PIWIL4: variants seen among roughly 807,000 people sequenced by gnomAD.
PIWIL4 encodes the protein piwi-like protein 4.
Under a neutral mutation model 100.9 loss-of-function variants are expected in PIWIL4, and 50 were observed. The ratio of observed to expected loss-of-function variants is 0.50; its 90% CI spans 0.39 to 0.63. The LOEUF is 0.63. Among genes scored for constraint, PIWIL4 ranks in the 20% least tolerant of loss-of-function variants. PIWIL4 has a pLI of 0.00. For synonymous variants in PIWIL4, 342 were observed against 367.5 expected (o/e 0.93, Z 0.79); for missense variants, 887 against 1,043.3 (o/e 0.85, Z 2.06).
intron 11 of PIWIL4, among the ~76,000 whole-genome samples, chr11:94,600,379 G>A (rs548593370): frequency 1.2e-3 from 182 of 152,240 alleles, no homozygotes; most frequent in Middle Eastern, 3.4e-3. Context: ...AAAGCTGGGC[G>A]TCCAGGGGAG....
intron 9 of PIWIL4, among the ~76,000 whole-genome samples, chr11:94,594,309 A>T (rs1948524917): frequency 6.6e-6 from 1 of 151,878 alleles, no homozygotes. Context: ...TCTATTAAAA[A>T]TAAAAAACTA....
At chr11:94,586,652 C>T (rs12574292) in intron 6 of PIWIL4, among the ~76,000 whole-genome samples, 1 of 151,984 alleles carries the variant, frequency 6.6e-6, no homozygotes, top group Non-Finnish European at 1.5e-5. Context: ...ATTTCCCCCC[C>T]CTCTTCAGGG....
intron 15 of PIWIL4, among the ~76,000 whole-genome samples, chr11:94,614,171 G>T (rs1197153907): frequency 6.6e-6 from 1 of 151,302 alleles, no homozygotes; most frequent in Non-Finnish European, 1.5e-5. Flanking sequence ...CTTGTAGCTT[G>T]CTGAGCTTCC....
chr11:94,568,150 C>T (rs1948101465), intron 1 of PIWIL4, among the ~76,000 whole-genome samples: 1 of 151,734 alleles, frequency 6.6e-6, no homozygotes. Context: ...AGCAAGTATC[C>T]AAATGAATAG....
At chr11:94,579,842 C>A (rs1383753720) in intron 4 of PIWIL4, among the ~76,000 whole-genome samples, 2 of 152,192 alleles carry the variant, frequency 1.3e-5, no homozygotes, top group African/African-American at 4.8e-5. Flanking sequence ...GCTTCTCATA[C>A]TTAAATGATA....
rs751375103 is a variant in PIWIL4, at chr11:94,595,329, T to C, written c.1171T>C (p.Ser391Pro). 7.4e-6 allele frequency: 12 copies of C among 1,613,776 alleles called. No individual in the cohort carries two copies. Among genetic ancestry groups the C allele is most frequent in the Admixed American group, 5.0e-5 (3 of 59,996 alleles). ...FLTGLTDQAT[S>P]DFQLMKAVAE... Reference sequence around the variant, plus strand: ...AATAGGGCTGACTGACCAGGCAACATCTGATTTCCAGCTGATGAAGGCTGT... The same window carrying C: ...AATAGGGCTGACTGACCAGGCAACACCTGATTTCCAGCTGATGAAGGCTGT... The change falls in exon 10 of 20, where the codon TCT becomes CCT. Residue 391 changes from serine (S) to proline (P), a missense_variant. Physicochemically the swap from Ser to Pro is moderately conservative, Grantham distance 74. This residue lies in a region of PIWIL4 where 741 missense variants were observed against 930.0 expected (regional missense o/e 0.80). Coordinates refer to ENST00000299001, the MANE Select transcript of PIWIL4 (RefSeq NM_152431.3).
At position 94,587,071 on chromosome 11, in the gene PIWIL4, T is replaced by C. The variant is rs7110167; in HGVS notation, c.738T>C (p.Phe246=). 0.42 allele frequency: 671,590 copies of C among 1,611,140 alleles called. 145,958 individuals are homozygous for C. The highest frequency in any genetic ancestry group is 0.75 in the African/African-American group (56,468 of 74,814). The change falls in exon 7 of 20, where the codon TTT becomes TTC. Residue 246 remains phenylalanine (F), a synonymous_variant. Coordinates refer to ENST00000299001, the MANE Select transcript of PIWIL4 (RefSeq NM_152431.3). ...PQHKLSLWPG[F]AISVSYFERK... ...AAAGATTATCCCTTTGGCCTGGGTT[T>C]GCCATTTCTGTGTCATATTTTGAAA...
At position 94,621,059 on chromosome 11, in the gene PIWIL4, T is replaced by C. The variant is rs1489990172; in HGVS notation, c.*67T>C. 4.3e-6 allele frequency: 5 copies of C among 1,163,478 alleles called. No homozygotes were observed. Among genetic ancestry groups the C allele is most frequent in the Non-Finnish European group, 6.4e-6 (5 of 781,588 alleles). The allele number at this position is 1,163,478 out of a possible 1,614,324, so 72.1% of individuals were successfully genotyped here. On this transcript the variant is annotated 3_prime_UTR_variant, in exon 20 of 20. Transcript: ENST00000299001. Reference sequence around the variant, plus strand: ...GAAATTGGTATACTTTGTGCAAATCTGCCATAAGCTCAAGGCTGTGACTGG... The same window carrying C: ...GAAATTGGTATACTTTGTGCAAATCCGCCATAAGCTCAAGGCTGTGACTGG...
intron 8 of PIWIL4, among the ~76,000 whole-genome samples, chr11:94,591,160 C>T (rs1948480561): frequency 6.6e-6 from 1 of 152,218 alleles, no homozygotes; most frequent in Non-Finnish European, 1.5e-5. Context: ...TCTAGCACTG[C>T]ATAGTTTGGC....
intron 10 of PIWIL4, among the ~76,000 whole-genome samples, chr11:94,597,048 C>T (rs949300782): frequency 6.6e-6 from 1 of 152,152 alleles, no homozygotes; most frequent in Admixed American, 6.5e-5. Context: ...GCTTATGGCT[C>T]AGTGGAAGTT....
chr11:94,620,284 T>C (rs1255946599), intron 19 of PIWIL4, 140 bp downstream of exon 19: 1 of 987,704 alleles, frequency 1.0e-6, no homozygotes, highest in East Asian at 2.6e-5. Flanking sequence ...AATGAATGAA[T>C]CAATGAATGA....
At chr11:94,573,545 A>G (rs922155742) in intron 2 of PIWIL4, among the ~76,000 whole-genome samples, 6 of 152,150 alleles carry the variant, frequency 3.9e-5, no homozygotes, top group African/African-American at 1.4e-4. Context: ...TATTGAGATA[A>G]TCATGTGGTT....
chr11:94,616,432 GAATA>G (rs1948847683), intron 15 of PIWIL4, 57 bp from the exon 16 acceptor site: 1 of 1,306,760 alleles, frequency 7.7e-7, no homozygotes, highest in African/African-American at 1.5e-5. Flanking sequence ...TAATATTAAT[GAATA>G]TTTATGGTAG....
chr11:94,568,766 T>C lies in PIWIL4; in HGVS notation c.124T>C (p.Ser42Pro), dbSNP rs1372419799. 1.9e-5 allele frequency: 30 copies of C among 1,610,520 alleles called. No individual in the cohort carries two copies. The highest frequency in any genetic ancestry group is 2.5e-5 in the Non-Finnish European group (30 of 1,176,818). Residue 42 changes from serine (S) to proline (P), a missense_variant, in exon 2 of 20, where the codon TCT becomes CCT. Physicochemically the swap from Ser to Pro is moderately conservative, Grantham distance 74. Around this residue, in one of 2 missense-constraint regions of PIWIL4, gnomAD observed 146 missense variants for 113.4 expected, o/e 1.29. Transcript: ENST00000299001. Reference protein sequence around the residue: ...SVDLSNNEASSSNGFLGTSRI... With the variant: ...SVDLSNNEASPSNGFLGTSRI... ...TGATCTTAGTAACAATGAAGCATCC[T>C]CTAGCAATGGCTTCTTGGGAACAAG... is the stretch of plus-strand genomic sequence containing the variant.
intron 15 of PIWIL4, among the ~76,000 whole-genome samples, chr11:94,614,759 G>A (rs1432493977): frequency 3.3e-5 from 5 of 152,108 alleles, no homozygotes; most frequent in South Asian, 2.1e-4. Context: ...TCTCTTACAC[G>A]TTTTCTATTC....
intron 2 of PIWIL4, among the ~76,000 whole-genome samples, chr11:94,572,404 G>C (rs987512979): frequency 2.4e-4 from 37 of 152,296 alleles, no homozygotes; most frequent in African/African-American, 8.4e-4. Flanking sequence ...TTTTCTTCTA[G>C]GGTTTTTATG....
At chr11:94,598,762 C>T (rs1183964351) in intron 11 of PIWIL4, among the ~76,000 whole-genome samples, 1 of 139,806 alleles carries the variant, frequency 7.2e-6, no homozygotes, top group Non-Finnish European at 1.5e-5. Context: ...GGCTGGAACA[C>T]AGTGGCATGA....
At chr11:94,572,326 C>T (rs1407749775) in intron 2 of PIWIL4, among the ~76,000 whole-genome samples, 1 of 152,162 alleles carries the variant, frequency 6.6e-6, no homozygotes, top group Non-Finnish European at 1.5e-5. Flanking sequence ...GCTTTTGTTG[C>T]CATTGCTTTT....
chr11:94,573,475 T>G (rs1393279140), intron 2 of PIWIL4, among the ~76,000 whole-genome samples: 1 of 152,186 alleles, frequency 6.6e-6, no homozygotes, highest in Non-Finnish European at 1.5e-5. Flanking sequence ...CAATACCTAA[T>G]TTATTGAGAG....
Sources: allele counts gnomAD v4.1 joint callset (sites outside exome capture counted in the v4.1 genomes callset), GRCh38; gene constraint gnomAD v4.1.1; regional missense constraint gnomAD v4.1.1; transcripts MANE v1.5; gene names NCBI Gene and HGNC (gene_info 2026-07-23, HGNC 2026-07-21).